PIK3CD: variants seen among roughly 807,000 people sequenced by gnomAD.
The protein encoded by PIK3CD is phosphatidylinositol 4,5-bisphosphate 3-kinase catalytic subunit delta isoform.
A neutral mutation model predicts 122.9 loss-of-function variants in PIK3CD; 20 were observed. That is an observed-to-expected ratio of 0.16 (90% CI 0.11 to 0.24). The LOEUF is 0.24. PIK3CD is among the 10% of genes least tolerant of loss of function. The pLI, the probability that PIK3CD is intolerant of heterozygous loss-of-function variation, is 1.00. For missense variants in PIK3CD, 787 were observed against 1,406.3 expected, an observed-to-expected ratio of 0.56 and a Z score of 7.04; for synonymous variants, 596 against 593.4, an observed-to-expected ratio of 1.00 and a Z score of -0.06.
chr1:9,631,068 G>C, the PIK3CD span, among the ~76,000 whole-genome samples: 3 of 152,290 alleles, frequency 2.0e-5, no homozygotes, highest in East Asian at 5.8e-4. Flanking sequence ...TTACAGCAGA[G>C]ATGCAGGGTG....
chr1:9,629,832 C>T, the PIK3CD span, among the ~76,000 whole-genome samples: 27 of 152,300 alleles, frequency 1.8e-4, no homozygotes, highest in Non-Finnish European at 3.2e-4. Context: ...CTGCGGTGCA[C>T]GGGCTGGGGA....
Position 9,723,268 on chromosome 1 carries a change from A to G in PIK3CD, c.2570A>G (p.Asn857Ser). The G allele has an allele frequency of 6.2e-7, 1 of 1,614,028 alleles. No homozygotes were observed. The highest frequency in any genetic ancestry group is 8.5e-7 in the Non-Finnish European group (1 of 1,180,046). Residue 857 changes from asparagine (N) to serine (S), a missense_variant, in exon 20 of 24, where the codon AAC becomes AGC. Transcript: ENST00000377346. This position sits in a 1 kb window ranked among gnomAD's most constrained non-coding sequence, Gnocchi z 4.9. ...GCCTTCAACAAGGATGCCCTGCTCA[A>G]CTGGCTGAAGTCCAAGAACCCGGGG... is the stretch of plus-strand genomic sequence containing the variant. ...TAAFNKDALLNWLKSKNPGEA... is the reference protein window; with the variant it reads ...TAAFNKDALLSWLKSKNPGEA...
chr1:9,710,983 C>T lies in PIK3CD; in HGVS notation c.141+387C>T, dbSNP rs1647030274. On this transcript the variant is annotated intron_variant, in intron 3 of 23. Transcript: ENST00000377346. This position sits in a 1 kb window ranked among gnomAD's most constrained non-coding sequence, Gnocchi z 4.7. The stretch of plus-strand genomic sequence containing the variant: ...TATTTTTAGTAGAGACGGGGTTTCT[C>T]CATGTTGGTCAGGCTGGTCTCAAAC... Among the ~76,000 whole-genome samples, 1 of 152,018 alleles carries T rather than the reference C, an allele frequency of 6.6e-6. No homozygotes were observed. The highest frequency in any genetic ancestry group is 6.6e-5 in the Admixed American group (1 of 15,260).
intron 1 of PIK3CD, among the ~76,000 whole-genome samples, chr1:9,661,732 C>T (rs1645014188): frequency 6.6e-6 from 1 of 152,148 alleles, no homozygotes; most frequent in Non-Finnish European, 1.5e-5. Context: ...CGCGGTGGCT[C>T]ACGCCTGTAA....
intron 1 of PIK3CD, among the ~76,000 whole-genome samples, chr1:9,664,049 C>CTTTTTTTTTTTTTTTTTTTTTTTT (rs754341558): frequency 9.8e-6 from 1 of 101,778 alleles, no homozygotes; most frequent in Non-Finnish European, 1.8e-5. Context: ...TTCTTTCTTT[C>CTTTTTTTTTTTTTTTTTTTTTTTT]TTTTTTTTTT....
chr1:9,702,415 G>A (rs1353616086), intron 2 of PIK3CD, among the ~76,000 whole-genome samples: 1 of 149,820 alleles, frequency 6.7e-6, no homozygotes, highest in South Asian at 2.1e-4. Context: ...TGGTCCTGTG[G>A]ACTCCTCTGT....
At chr1:9,678,181 C>G (rs893352247) in intron 1 of PIK3CD, among the ~76,000 whole-genome samples, 1 of 151,494 alleles carries the variant, frequency 6.6e-6, no homozygotes, top group Non-Finnish European at 1.5e-5. Context: ...AACAAAAATC[C>G]GGCCGGGCAC....
intron 1 of PIK3CD, among the ~76,000 whole-genome samples, chr1:9,681,621 T>G (rs1019648069): frequency 1.3e-5 from 2 of 152,214 alleles, no homozygotes; most frequent in African/African-American, 2.4e-5. Context: ...CAGGCTGGCT[T>G]GAACTCCTGA....
intron 2 of PIK3CD, among the ~76,000 whole-genome samples, chr1:9,695,626 T>G (rs1298660401): frequency 2.6e-5 from 4 of 151,988 alleles, no homozygotes; most frequent in South Asian, 2.1e-4. Flanking sequence ...GGCAGATCAC[T>G]AGGTCAGGAG....
At chr1:9,662,014 C>A (rs542091200) in intron 1 of PIK3CD, among the ~76,000 whole-genome samples, 1 of 151,594 alleles carries the variant, frequency 6.6e-6, no homozygotes, top group African/African-American at 2.4e-5. Context: ...AAAAGTTAGC[C>A]GGACATGGTG....
At chr1:9,655,439 A>ACCCCCCCCCC (rs756424437) in intron 1 of PIK3CD, among the ~76,000 whole-genome samples, 1 of 91,204 alleles carries the variant, frequency 1.1e-5, no homozygotes, top group Non-Finnish European at 2.3e-5. Flanking sequence ...AAACCCAGGA[A>ACCCCCCCCCC]CCCCCCGCCC....
At chr1:9,650,383 C>T (rs1449010854), upstream of PIK3CD, among the ~76,000 whole-genome samples, 1 of 152,156 alleles carries the variant, frequency 6.6e-6, no homozygotes, top group Non-Finnish European at 1.5e-5. Flanking sequence ...GATCACGCCA[C>T]TGCACTCCAG....
At chr1:9,674,386 A>T (rs1645433667) in intron 1 of PIK3CD, among the ~76,000 whole-genome samples, 1 of 152,098 alleles carries the variant, frequency 6.6e-6, no homozygotes, top group Non-Finnish European at 1.5e-5. Context: ...GCACTTTGAA[A>T]ATACGAAGGT....
intron 1 of PIK3CD, among the ~76,000 whole-genome samples, chr1:9,685,906 C>A (rs958969743): frequency 6.6e-6 from 1 of 152,176 alleles, no homozygotes; most frequent in South Asian, 2.1e-4. Flanking sequence ...TGTCCCCACT[C>A]AGCAGTGGTG....
At chr1:9,638,528 T>C in the PIK3CD span, among the ~76,000 whole-genome samples, 18 of 151,746 alleles carry the variant, frequency 1.2e-4, no homozygotes, top group Admixed American at 8.5e-4. Flanking sequence ...GTCAGGAGAT[T>C]GAGACCATCC....
chr1:9,678,890 C>T (rs1645639909), intron 1 of PIK3CD, among the ~76,000 whole-genome samples: 1 of 152,134 alleles, frequency 6.6e-6, no homozygotes, highest in Non-Finnish European at 1.5e-5. Flanking sequence ...GATCGACTTT[C>T]CTGCGTCTTT....
intron 3 of PIK3CD, among the ~76,000 whole-genome samples, chr1:9,713,171 C>G (rs1036660958): frequency 6.6e-6 from 1 of 151,632 alleles, no homozygotes; most frequent in Non-Finnish European, 1.5e-5. Context: ...GCGACAAGAG[C>G]GAAACTCTGT....
intron 1 of PIK3CD, among the ~76,000 whole-genome samples, chr1:9,667,634 C>T (rs893052921): frequency 4.6e-5 from 7 of 152,000 alleles, no homozygotes; most frequent in Admixed American, 2.6e-4. Context: ...CCTCGGCCTC[C>T]GAAAGTGCTA....
In PIK3CD at chr1:9,712,362, C is replaced by A. The variant is rs188768910; in HGVS notation, c.141+1766C>A. Reference sequence around the variant, plus strand: ...GTGGTGTGATCTTGGCTCACTGCAACCTCCGCCTCCCAGGTTCAAGCAATT... The same window carrying A: ...GTGGTGTGATCTTGGCTCACTGCAAACTCCGCCTCCCAGGTTCAAGCAATT... On this transcript the variant is annotated intron_variant, in intron 3 of 23. Transcript: ENST00000377346. Among the ~76,000 whole-genome samples, 137 of 150,760 alleles carry A rather than the reference C, an allele frequency of 9.1e-4. 1 individual carries two copies. Among genetic ancestry groups the A allele is most frequent in the Non-Finnish European group, 1.8e-3 (119 of 67,632 alleles).
Sources: allele counts gnomAD v4.1 joint callset (sites outside exome capture counted in the v4.1 genomes callset), GRCh38; gene constraint gnomAD v4.1.1; non-coding constraint Gnocchi (gnomAD v3.1); transcripts MANE v1.5; gene names NCBI Gene and HGNC (gene_info 2026-07-23, HGNC 2026-07-21).